ABI1: variants seen among roughly 807,000 people sequenced by gnomAD.
The protein encoded by ABI1 is abl interactor 1.
ABI1 carries 14 observed loss-of-function variants against 54.6 expected under a neutral mutation model. The ratio of observed to expected loss-of-function variants is 0.26; its 90% CI spans 0.17 to 0.40. The LOEUF (loss-of-function observed/expected upper bound fraction) is 0.40, where lower values mean the gene tolerates loss of function less well. Ranked by LOEUF, ABI1 falls within the 10% of genes least tolerant of loss-of-function variation. The probability of loss-of-function intolerance (pLI) is 1.00; values close to 1 mark genes in which losing one functional copy is unlikely to be tolerated. For synonymous variants in ABI1, 194 were observed against 209.3 expected, an observed-to-expected ratio of 0.93 and a Z score of 0.63; for missense variants, 443 against 598.3, an observed-to-expected ratio of 0.74 and a Z score of 2.71.
chr10:26,775,948 T>A (rs1283955541), intron 3 of ABI1, among the ~76,000 whole-genome samples: 2 of 152,118 alleles, frequency 1.3e-5, no homozygotes, highest in African/African-American at 4.8e-5. Flanking sequence ...CCAAGGTGGA[T>A]AGTAACACAA....
At chr10:26,833,626 C>G (rs887263321) in intron 1 of ABI1, among the ~76,000 whole-genome samples, 10 of 152,126 alleles carry the variant, frequency 6.6e-5, no homozygotes, top group African/African-American at 2.4e-4. Context: ...TCCATGTTAA[C>G]AAGTTATCTT....
intron 2 of ABI1, among the ~76,000 whole-genome samples, chr10:26,806,989 T>A (rs936445938): frequency 7.2e-5 from 11 of 152,350 alleles, no homozygotes; most frequent in African/African-American, 2.6e-4. Context: ...TGATTATCTT[T>A]TTTTCTTGAA....
chr10:26,852,351 T>A (rs2050462740), intron 1 of ABI1, among the ~76,000 whole-genome samples: 1 of 151,950 alleles, frequency 6.6e-6, no homozygotes, highest in African/African-American at 2.4e-5. Context: ...TGGTGGCGCA[T>A]CCCTGTAATC....
At position 26,748,182 on chromosome 10, in the gene ABI1, T is replaced by TTTAAATTTTCTGATTTTAA. The variant is rs1440596537; in HGVS notation, c.*369_*387dup. 1 of 225,334 alleles carries TTTAAATTTTCTGATTTTAA rather than the reference T, an allele frequency of 4.4e-6. No individual in the cohort carries two copies. The highest frequency in any genetic ancestry group is 2.2e-5 in the African/African-American group (1 of 44,916). The allele number at this position is 225,334 out of a possible 1,614,324, so 14.0% of individuals were successfully genotyped here. A position where few individuals can be genotyped will look rare whatever the true frequency, so the allele number is the denominator to read the frequency against. On this transcript the variant is annotated 3_prime_UTR_variant, in exon 11 of 11. Coordinates refer to ENST00000376140, the MANE Select transcript of ABI1 (RefSeq NM_001012750.3). ...AAAAAAAGTCTGACCAGCACCAGCA[T>TTTAAATTTTCTGATTTTAA]TTAAATTTTCTGATTTTAATATTAG...
At chr10:26,752,396 A>C (rs1392535720) in intron 9 of ABI1, among the ~76,000 whole-genome samples, 1 of 152,220 alleles carries the variant, frequency 6.6e-6, no homozygotes. Context: ...ATGGAAAAAG[A>C]ATCCCCAACC....
At chr10:26,824,511 C>T (rs1188385696) in intron 1 of ABI1, among the ~76,000 whole-genome samples, 2 of 151,958 alleles carry the variant, frequency 1.3e-5, no homozygotes, top group African/African-American at 4.8e-5. Flanking sequence ...GCTATAATAT[C>T]TCCACACAAT....
chr10:26,776,001 C>G (rs1201576993), intron 3 of ABI1, among the ~76,000 whole-genome samples: 7 of 152,178 alleles, frequency 4.6e-5, no homozygotes, highest in South Asian at 4.1e-4. Flanking sequence ...TCCCAGAGAT[C>G]AGTCTAGTTT....
At chr10:26,822,003 G>T (rs567811267) in intron 2 of ABI1, among the ~76,000 whole-genome samples, 72 of 152,116 alleles carry the variant, frequency 4.7e-4, no homozygotes, top group Non-Finnish European at 7.8e-4. Context: ...AGGTCCAGAT[G>T]GAATACTGCC....
At chr10:26,826,331 T>C (rs571047495) in intron 1 of ABI1, among the ~76,000 whole-genome samples, 65 of 152,370 alleles carry the variant, frequency 4.3e-4, no homozygotes, top group African/African-American at 1.5e-3. Context: ...GGAATCTTTT[T>C]ATCCGAGCAG....
intron 3 of ABI1, among the ~76,000 whole-genome samples, chr10:26,776,128 T>G (rs1300765127): frequency 6.6e-6 from 1 of 152,116 alleles, no homozygotes; most frequent in East Asian, 1.9e-4. Flanking sequence ...TGTTCCAATT[T>G]TACATACAAT....
At chr10:26,841,646 C>CCT (rs1554831822) in intron 1 of ABI1, among the ~76,000 whole-genome samples, 2 of 150,550 alleles carry the variant, frequency 1.3e-5, no homozygotes, top group Non-Finnish European at 3.0e-5. Context: ...ATATTTGACT[C>CCT]TTTTTTTTTA....
intron 2 of ABI1, among the ~76,000 whole-genome samples, chr10:26,794,151 G>A (rs1452307979): frequency 2.0e-5 from 3 of 152,082 alleles, no homozygotes; most frequent in African/African-American, 7.2e-5. Context: ...GCTAAGGCAG[G>A]AGAATCCCTT....
intron 2 of ABI1, among the ~76,000 whole-genome samples, chr10:26,792,411 GT>G (rs1338040959): frequency 6.6e-6 from 1 of 152,288 alleles, no homozygotes; most frequent in Non-Finnish European, 1.5e-5. Context: ...AAAAAGGAGA[GT>G]GGGGAAAAAG....
chr10:26,770,273 G>A lies in ABI1; in HGVS notation c.550C>T (p.Pro184Ser), dbSNP rs199855311. Residue 184 changes from proline (P) to serine (S), a missense_variant, in exon 5 of 11, where the codon CCT (proline) becomes TCT (serine). Transcript: ENST00000376140. ...AGTGTTCCCCGGCCTGACATGGGAG[G>A]ACTTGGCGGTTTCTGAGTAGGAGGA... ...TNPPTQKPPS[P>S]PMSGRGTLGR... 5 of 1,613,956 alleles carry A rather than the reference G, an allele frequency of 3.1e-6. No homozygotes were observed. The South Asian group carries it at 5.5e-5, about 18-fold the overall frequency.
intron 1 of ABI1, among the ~76,000 whole-genome samples, chr10:26,850,657 C>CAAAA (rs560840432): frequency 9.9e-6 from 1 of 101,504 alleles, no homozygotes; most frequent in African/African-American, 3.4e-5. Context: ...GACTCCGTCT[C>CAAAA]AAAAAAAAAA....
intron 2 of ABI1, among the ~76,000 whole-genome samples, chr10:26,799,994 C>T (rs958749608): frequency 2.4e-5 from 3 of 123,992 alleles, no homozygotes; most frequent in African/African-American, 7.4e-5. Context: ...CAATATAAAC[C>T]ACAAAAACGT....
chr10:26,835,941 T>TGG (rs200629518), intron 1 of ABI1, among the ~76,000 whole-genome samples: 3 of 151,780 alleles, frequency 2.0e-5, no homozygotes, highest in African/African-American at 7.3e-5. Context: ...TTTGTAAAGT[T>TGG]GGGGTCTCAC....
At chr10:26,750,947 C>A (rs889097092) in intron 10 of ABI1, among the ~76,000 whole-genome samples, 1 of 152,118 alleles carries the variant, frequency 6.6e-6, no homozygotes, top group Admixed American at 6.6e-5. Flanking sequence ...CTAATTGAAA[C>A]CTTAATTGAG....
chr10:26,761,457 T>C (rs886996321), intron 7 of ABI1, among the ~76,000 whole-genome samples: 2 of 151,048 alleles, frequency 1.3e-5, no homozygotes, highest in Non-Finnish European at 3.0e-5. Context: ...ACATGTGAAT[T>C]ATACACATAC....
Sources: allele counts gnomAD v4.1 joint callset (sites outside exome capture counted in the v4.1 genomes callset), GRCh38; gene constraint gnomAD v4.1.1; transcripts MANE v1.5; gene names NCBI Gene and HGNC (gene_info 2026-07-23, HGNC 2026-07-21).